The following NIPBL variants were observed in gnomAD, a reference collection of about 807,000 sequenced individuals.
NIPBL encodes NIPBL cohesin loading factor, also known as nipped-B-like protein.
A neutral mutation model predicts 321.8 loss-of-function variants in NIPBL; 19 were observed. The observed-to-expected ratio is 0.06, with a 90% CI of 0.04 to 0.09. NIPBL has a LOEUF of 0.09. Ranked by LOEUF, NIPBL falls within the 10% of genes least tolerant of loss-of-function variation. The pLI, the probability that NIPBL is intolerant of heterozygous loss-of-function variation, is 1.00. For missense variants in NIPBL, 2,210 were observed against 3,327.0 expected, an observed-to-expected ratio of 0.66 and a Z score of 8.26; for synonymous variants, 1,106 against 1,114.1, an observed-to-expected ratio of 0.99 and a Z score of 0.14.
Position 36,922,188 on chromosome 5 carries a change from C to T in NIPBL, c.-79-31430C>T, listed in dbSNP as rs912527448. Among the ~76,000 whole-genome samples the T allele has an allele frequency of 5.3e-5, 8 of 152,024 alleles. No individual in the cohort carries two copies. In the South Asian group the frequency reaches 1.7e-3, roughly 32 times the overall value. On this transcript the variant is annotated intron_variant, in intron 1 of 46. Coordinates refer to ENST00000282516, the MANE Select transcript of NIPBL (RefSeq NM_133433.4). Reference sequence around the variant, plus strand: ...CAGGCATGAGCGACAGCACCTGGCCCCTTCAATGTTTTTCTTAAAAATATG... The same window carrying T: ...CAGGCATGAGCGACAGCACCTGGCCTCTTCAATGTTTTTCTTAAAAATATG...
intron 9 of NIPBL, among the ~76,000 whole-genome samples, chr5:36,979,236 A>G (rs1187723714): frequency 6.6e-6 from 1 of 151,630 alleles, no homozygotes; most frequent in African/African-American, 2.4e-5. Flanking sequence ...AATGTTTTTG[A>G]TTTGTTTGTG....
intron 1 of NIPBL, among the ~76,000 whole-genome samples, chr5:36,902,176 C>T (rs899792575): frequency 2.0e-5 from 3 of 151,412 alleles, no homozygotes; most frequent in Non-Finnish European, 4.4e-5. Context: ...TTGGATGTAT[C>T]GTTTGCAAAC....
At chr5:37,017,354 GAAT>G (rs1749107871) in intron 24 of NIPBL, among the ~76,000 whole-genome samples, 192 bp downstream of exon 24, 1 of 152,060 alleles carries the variant, frequency 6.6e-6, no homozygotes, top group South Asian at 2.1e-4. Flanking sequence ...AGGGACTTCT[GAAT>G]GGTTCATATA....
intron 24 of NIPBL, among the ~76,000 whole-genome samples, chr5:37,018,245 AG>A (rs1173496173): frequency 6.6e-6 from 1 of 152,216 alleles, no homozygotes; most frequent in Non-Finnish European, 1.5e-5. Flanking sequence ...TGCAAACAAG[AG>A]CTCTCACTTA....
At position 37,017,098 on chromosome 5, in the gene NIPBL, G is replaced by T. The variant is rs772077115; in HGVS notation, c.4856G>T (p.Arg1619Leu). 1 of 1,612,826 alleles carries T rather than the reference G, an allele frequency of 6.2e-7. No individual in the cohort carries two copies. The highest frequency in any genetic ancestry group is 8.5e-7 in the Non-Finnish European group (1 of 1,179,218). Reference sequence around the variant, plus strand: ...GATTACCTTGGAACTGTTGCTGCACGGCTAAGAAAAGATGCTGTTACAAGC... The same window carrying T: ...GATTACCTTGGAACTGTTGCTGCACTGCTAAGAAAAGATGCTGTTACAAGC... The part of the protein sequence containing the change: ...SLDYLGTVAA[R>L]LRKDAVTSKM... The change falls in exon 24 of 47, where the codon CGG becomes CTG. Residue 1619 changes from arginine to leucine, a missense_variant. By Grantham distance (102) the Arg-to-Leu change is moderately radical. Coordinates refer to ENST00000282516, the MANE Select transcript of NIPBL (RefSeq NM_133433.4).
intron 6 of NIPBL, among the ~76,000 whole-genome samples, 180 bp from the exon 7 acceptor site, chr5:36,970,696 T>C (rs1035149776): frequency 6.6e-6 from 1 of 152,004 alleles, no homozygotes; most frequent in Non-Finnish European, 1.5e-5. Context: ...TTTAGTTCTT[T>C]TCAAAAATAG....
At chr5:37,021,334 T>G (rs555390334) in intron 27 of NIPBL, among the ~76,000 whole-genome samples, 1 of 151,856 alleles carries the variant, frequency 6.6e-6, no homozygotes, top group South Asian at 2.1e-4. Context: ...CTACATCCCT[T>G]TTACATATTC....
chr5:36,885,910 G>A (rs1745865283), intron 1 of NIPBL: 1 of 737,348 alleles, frequency 1.4e-6, no homozygotes, highest in African/African-American at 1.7e-5. Flanking sequence ...TGACCGTGAA[G>A]GTAGATGCTC....
At chr5:37,056,943 G>C (rs951935346) in intron 42 of NIPBL, among the ~76,000 whole-genome samples, 2 of 151,412 alleles carry the variant, frequency 1.3e-5, no homozygotes, top group Non-Finnish European at 2.9e-5. Context: ...TTCCATTTCT[G>C]TTCCCCCTTT....
At chr5:37,060,774 T>C in intron 44 of NIPBL, 70 bp from the exon 45 acceptor site, 1 of 1,320,058 alleles carries the variant, frequency 7.6e-7, no homozygotes, top group Non-Finnish European at 1.1e-6. Flanking sequence ...GCTTCCTACC[T>C]ATAATTGGAT....
intron 1 of NIPBL, among the ~76,000 whole-genome samples, chr5:36,899,210 T>A (rs888033659): frequency 6.6e-6 from 1 of 152,160 alleles, no homozygotes. Flanking sequence ...GGAGAACCCC[T>A]TAAATAGTTT....
At chr5:37,023,393 T>G (rs1749873582) in intron 29 of NIPBL, among the ~76,000 whole-genome samples, 1 of 152,174 alleles carries the variant, frequency 6.6e-6, no homozygotes, top group African/African-American at 2.4e-5. Context: ...ATGCTTTTTA[T>G]TTTTAAAACT....
intron 1 of NIPBL, among the ~76,000 whole-genome samples, chr5:36,950,445 C>T (rs546747227): frequency 6.6e-6 from 1 of 152,030 alleles, no homozygotes; most frequent in East Asian, 1.9e-4. Flanking sequence ...TCCATTTTTT[C>T]AAATCAGCAA....
At chr5:36,993,691 T>G (rs1454884695) in intron 10 of NIPBL, among the ~76,000 whole-genome samples, 1 of 152,006 alleles carries the variant, frequency 6.6e-6, no homozygotes, top group Non-Finnish European at 1.5e-5. Context: ...CCGTGATGGA[T>G]GAAAGGCCAA....
At chr5:37,029,254 C>A (rs1750676626) in intron 32 of NIPBL, among the ~76,000 whole-genome samples, 1 of 152,150 alleles carries the variant, frequency 6.6e-6, no homozygotes, top group African/African-American at 2.4e-5. Flanking sequence ...CTCTTCCTGG[C>A]CCTAGAAAAC....
intron 4 of NIPBL, among the ~76,000 whole-genome samples, chr5:36,959,305 T>C (rs1179765833): frequency 1.3e-5 from 2 of 152,240 alleles, no homozygotes; most frequent in Non-Finnish European, 2.9e-5. Flanking sequence ...CCATTCTGTT[T>C]CCTTTAAATA....
At chr5:36,967,299 G>T (rs1742313292) in intron 6 of NIPBL, among the ~76,000 whole-genome samples, 1 of 151,978 alleles carries the variant, frequency 6.6e-6, no homozygotes, top group African/African-American at 2.4e-5. Context: ...GATATAAATT[G>T]GTGCAACTTT....
intron 1 of NIPBL, among the ~76,000 whole-genome samples, chr5:36,952,366 C>G (rs1740479997): frequency 6.6e-6 from 1 of 152,044 alleles, no homozygotes; most frequent in Non-Finnish European, 1.5e-5. Context: ...CTGGAAATTA[C>G]AATTCCGTTT....
intron 1 of NIPBL, among the ~76,000 whole-genome samples, chr5:36,917,262 A>G (rs1054913916): frequency 1.3e-5 from 2 of 152,004 alleles, no homozygotes; most frequent in Non-Finnish European, 2.9e-5. Flanking sequence ...GCATTTTTTC[A>G]TGTGTCTGTT....
Sources: allele counts gnomAD v4.1 joint callset (sites outside exome capture counted in the v4.1 genomes callset), GRCh38; gene constraint gnomAD v4.1.1; transcripts MANE v1.5; gene names NCBI Gene and HGNC (gene_info 2026-07-23, HGNC 2026-07-21).